ZNF853: variants seen among roughly 807,000 people sequenced by gnomAD.
The protein encoded by ZNF853 is zinc finger protein 853.
A neutral mutation model predicts 94.7 loss-of-function variants in ZNF853; 57 were observed. That is an observed-to-expected ratio of 0.60 (90% CI 0.49 to 0.75). The LOEUF is 0.75. Ranked by LOEUF, ZNF853 falls within the 30% of genes least tolerant of loss-of-function variation. The probability of loss-of-function intolerance (pLI) is 0.00; values close to 1 mark genes in which losing one functional copy is unlikely to be tolerated. For synonymous variants in ZNF853, 448 were observed against 406.3 expected, an observed-to-expected ratio of 1.10 and a Z score of -1.23; for missense variants, 785 against 868.9, an observed-to-expected ratio of 0.90 and a Z score of 1.21.
Position 6,623,053 on chromosome 7 carries a change from G to T in ZNF853, c.*82G>T. ...AAAGCTCCTTGACCCGGGTTCATGG[G>T]CGCTGGAGGCGTCCTGGAATATCCC... On this transcript the variant is annotated 3_prime_UTR_variant, in exon 3 of 3. Transcript: ENST00000457543. 8.6e-7 allele frequency: 1 copy of T among 1,157,450 alleles called. No individual in the cohort carries two copies. Among genetic ancestry groups the T allele is most frequent in the Non-Finnish European group, 1.1e-6 (1 of 919,532 alleles). The allele number at this position is 1,157,450 out of a possible 1,614,324, so 71.7% of individuals were successfully genotyped here. A position where few individuals can be genotyped will look rare whatever the true frequency, so the allele number is the denominator to read the frequency against.
rs925940396 is a variant in ZNF853 at position 6,621,481 on chromosome 7, G to A, written c.490G>A (p.Val164Met). 1 of 1,551,804 alleles carries A rather than the reference G, an allele frequency of 6.4e-7. No individual in the cohort carries two copies. The highest frequency in any genetic ancestry group is 8.7e-7 in the Non-Finnish European group (1 of 1,147,012). Residue 164 changes from valine (V) to methionine (M), a missense_variant, in exon 3 of 3, where the codon GTG (valine) becomes ATG (methionine). Val to Met is a conservative substitution (Grantham distance 21, BLOSUM62 1). Transcript: ENST00000457543. Reference protein sequence around the residue: ...HQQQQLQPQQVQEQQRLQQQQ... With the variant: ...HQQQQLQPQQMQEQQRLQQQQ... ...GCAGCAACAGTTACAGCCACAGCAA[G>A]TGCAAGAGCAACAGCGGTTGCAGCA...
chr7:6,621,074 G>C, intron 2 of ZNF853, 48 bp from the exon 3 acceptor site: 1 of 1,459,030 alleles, frequency 6.9e-7, no homozygotes. Flanking sequence ...GCACCAGAGA[G>C]CTTCCTGTAG....
In ZNF853 at chr7:6,622,162, G is replaced by C. The variant is rs929815684; in HGVS notation, c.1171G>C (p.Val391Leu). 29 of 1,542,168 alleles carry C rather than the reference G, an allele frequency of 1.9e-5. No homozygotes were observed. In the Admixed American group the frequency reaches 5.7e-4, roughly 30 times the overall value. The change falls in exon 3 of 3, where the codon GTG becomes CTG. Residue 391 changes from valine to leucine, a missense_variant. Coordinates refer to ENST00000457543, the MANE Select transcript of ZNF853 (RefSeq NM_017560.3). ...QQEVQLELTPVELGAQQQEVQ... is the reference protein window; with the variant it reads ...QQEVQLELTPLELGAQQQEVQ... The stretch of plus-strand genomic sequence containing the variant: ...GGAGGTGCAGCTGGAGCTGACCCCG[G>C]TGGAGCTAGGCGCCCAGCAGCAGGA...
In ZNF853 at chr7:6,622,532, G is replaced by A. The variant is rs1275209301; in HGVS notation, c.1541G>A (p.Arg514His). 3 of 1,547,772 alleles carry A rather than the reference G, an allele frequency of 1.9e-6. No individual in the cohort carries two copies. Among genetic ancestry groups the A allele is most frequent in the South Asian group, 2.4e-5 (2 of 84,050 alleles). ...ACGCACACGGGTGAGCGGCCACACC[G>A]CTGCGGCGAGTGCGGCAAGGGCTTC... ...QATHTGERPH[R>H]CGECGKGFSQ... Residue 514 changes from arginine (R) to histidine (H), a missense_variant, in exon 3 of 3, where the codon CGC becomes CAC. Coordinates refer to ENST00000457543, the MANE Select transcript of ZNF853 (RefSeq NM_017560.3).
rs375554266 is a variant in ZNF853 at position 6,621,986 on chromosome 7, A to AGCAGGAGCTGGAGCAGCAGCG, written c.1003_1023dup (p.Gln337_Glu343dup). ...CTCATGCCGGTGGACCTGGGGTCAG[A>AGCAGGAGCTGGAGCAGCAGCG]GCAGGAGCTGGAGCAGCAGCGGCAG... On this transcript the variant is annotated inframe_insertion, in exon 3 of 3. Transcript: ENST00000457543. The AGCAGGAGCTGGAGCAGCAGCG allele has an allele frequency of 1.6e-5, 25 of 1,550,560 alleles. No individual in the cohort carries two copies. Among genetic ancestry groups the AGCAGGAGCTGGAGCAGCAGCG allele is most frequent in the Non-Finnish European group, 2.2e-5 (25 of 1,146,982 alleles).
chr7:6,622,970 G>T lies in ZNF853; in HGVS notation c.1979G>T (p.Ter660LeuextTer3), dbSNP rs919328852. 90 of 1,248,500 alleles carry T rather than the reference G, an allele frequency of 7.2e-5. No homozygotes were observed. The highest frequency in any genetic ancestry group is 8.8e-5 in the Non-Finnish European group (88 of 998,186). The allele number at this position is 1,248,500 out of a possible 1,614,324, so 77.3% of individuals were successfully genotyped here. The change falls in exon 3 of 3, where the codon TGA (stop) becomes TTA (leucine). Residue 660 changes from the stop codon to leucine (L), a stop_lost. Coordinates refer to ENST00000457543, the MANE Select transcript of ZNF853 (RefSeq NM_017560.3). ...ACTGCGCCCGCAGACAAGGCGCTGT[G>T]AGGGCCGTGATCGGGGCTGCCTGGC... ...TATAPADKAL[*>L]
Position 6,616,196 on chromosome 7 carries a change from A to C in ZNF853, c.12+10A>C. ...GGAAATGCTCCACCAGGTGAGGCCC[A>C]GGGGGTCGTTGGCGCTGGGCAACCG... is the stretch of plus-strand genomic sequence containing the variant. On this transcript the variant is annotated intron_variant, in intron 1 of 2. Transcript: ENST00000457543. 2.6e-6 allele frequency: 4 copies of C among 1,547,734 alleles called. No homozygotes were observed. The East Asian group carries it at 9.8e-5, about 38-fold the overall frequency.
At chr7:6,617,409 A>C in intron 2 of ZNF853, 102 bp downstream of exon 2, 1 of 1,012,106 alleles carries the variant, frequency 9.9e-7, no homozygotes, top group East Asian at 3.1e-5. Flanking sequence ...CACACCAGCC[A>C]ACCTCAGCTG....
rs1408719108 is a variant in ZNF853, at chr7:6,622,893, G to A, written c.1902G>A (p.Ser634=). ...RSRGLGLLRA[S]RPAALGGPAR... ...GGGGCCTCGGCCTGCTGCGCGCCTC[G>A]CGGCCGGCGGCCCTCGGTGGCCCAG... The change falls in exon 3 of 3, where the codon TCG becomes TCA. Residue 634 remains serine (S), a synonymous_variant. Coordinates refer to ENST00000457543, the MANE Select transcript of ZNF853 (RefSeq NM_017560.3). 8.0e-7 allele frequency: 1 copy of A among 1,255,360 alleles called. No homozygotes were observed. The highest frequency in any genetic ancestry group is 1.6e-5 in the African/African-American group (1 of 63,230). 77.8% of individuals were successfully genotyped at this position (1,255,360 alleles called of 1,614,324 possible). A position where few individuals can be genotyped will look rare whatever the true frequency, so the allele number is the denominator to read the frequency against.
In ZNF853 at chr7:6,621,251, G is replaced by T. The variant is rs1042100088; in HGVS notation, c.260G>T (p.Arg87Leu). ...EIAEETRPGQ[R>L]ELQLQQLEQQ... ...GCTGAGGAAACCCGGCCGGGACAAC[G>T]AGAGTTGCAACTGCAGCAGTTAGAA... Residue 87 changes from arginine (R) to leucine (L), a missense_variant, in exon 3 of 3, where the codon CGA becomes CTA. By Grantham distance (102) the Arg-to-Leu change is moderately radical. Transcript: ENST00000457543. 2 of 1,549,344 alleles carry T rather than the reference G, an allele frequency of 1.3e-6. No homozygotes were observed. Among genetic ancestry groups the T allele is most frequent in the Non-Finnish European group, 1.7e-6 (2 of 1,145,498 alleles).
rs781299728 is a variant in ZNF853 at position 6,621,981 on chromosome 7, G to A, written c.990G>A (p.Gly330=). ...TGGAGCTCATGCCGGTGGACCTGGGGTCAGAGCAGGAGCTGGAGCAGCAGC... is the reference window on the plus strand; with the variant it reads ...TGGAGCTCATGCCGGTGGACCTGGGATCAGAGCAGGAGCTGGAGCAGCAGC... ...VELELMPVDL[G]SEQELEQQRQ... Residue 330 remains glycine, a synonymous_variant, in exon 3 of 3, where the codon GGG becomes GGA. Transcript: ENST00000457543. 6.4e-7 allele frequency: 1 copy of A among 1,550,654 alleles called. No homozygotes were observed. Among genetic ancestry groups the A allele is most frequent in the African/African-American group, 1.4e-5 (1 of 73,030 alleles).
intron 1 of ZNF853, among the ~76,000 whole-genome samples, chr7:6,616,899 G>T: frequency 3.9e-5 from 6 of 152,094 alleles, no homozygotes; most frequent in African/African-American, 1.4e-4. Flanking sequence ...TTGTGTCTCT[G>T]TGGGGCTACC....
chr7:6,620,342 A>G, intron 2 of ZNF853, among the ~76,000 whole-genome samples: 1 of 152,172 alleles, frequency 6.6e-6, no homozygotes, highest in Non-Finnish European at 1.5e-5. Context: ...GGAGTTCAGC[A>G]TGGGGTTGAT....
In ZNF853 at chr7:6,622,912, G is replaced by C. The variant is rs866511632; in HGVS notation, c.1921G>C (p.Gly641Arg). Residue 641 changes from glycine to arginine, a missense_variant, in exon 3 of 3, where the codon GGC (glycine) becomes CGC (arginine). Coordinates refer to ENST00000457543, the MANE Select transcript of ZNF853 (RefSeq NM_017560.3). ...LRASRPAALG[G>R]PARAEQAATA... ...CGCCTCGCGGCCGGCGGCCCTCGGT[G>C]GCCCAGCCCGCGCGGAGCAGGCCGC... 5 of 1,248,264 alleles carry C rather than the reference G, an allele frequency of 4.0e-6. No individual in the cohort carries two copies. Among genetic ancestry groups the C allele is most frequent in the Non-Finnish European group, 3.0e-6 (3 of 998,154 alleles). 77.3% of individuals were successfully genotyped at this position (1,248,264 alleles called of 1,614,324 possible). A position where few individuals can be genotyped will look rare whatever the true frequency, so the allele number is the denominator to read the frequency against.
In ZNF853 at chr7:6,621,595, C is replaced by CAGGTGTTAG. The variant is rs1198741475; in HGVS notation, c.606_607insGTGTTAGAG (p.Gln202_Leu203insValLeuGlu). On this transcript the variant is annotated inframe_insertion, in exon 3 of 3. Coordinates refer to ENST00000457543, the MANE Select transcript of ZNF853 (RefSeq NM_017560.3). The stretch of plus-strand genomic sequence containing the variant: ...GCTACAGCAGCAAGTGCAAGAGCAA[C>CAGGTGTTAG]AGCTGTTACAGCAACAGCAGGAACA... The CAGGTGTTAG allele has an allele frequency of 3.2e-6, 5 of 1,551,314 alleles. No homozygotes were observed. In the African/African-American group the frequency reaches 4.1e-5, roughly 13 times the overall value.
In ZNF853 at chr7:6,623,516, A is replaced by C; in HGVS notation, c.*545A>C. Reference sequence around the variant, plus strand: ...CTTGAAAATACTTTCCAAGATGAAAATTCATCAGGGTGGGTATAATTCTGA... The same window carrying C: ...CTTGAAAATACTTTCCAAGATGAAACTTCATCAGGGTGGGTATAATTCTGA... On this transcript the variant is annotated 3_prime_UTR_variant, in exon 3 of 3. Coordinates refer to ENST00000457543, the MANE Select transcript of ZNF853 (RefSeq NM_017560.3). The C allele has an allele frequency of 2.5e-6, 1 of 396,102 alleles. No homozygotes were observed. Among genetic ancestry groups the C allele is most frequent in the Non-Finnish European group, 4.4e-6 (1 of 224,996 alleles). The allele number at this position is 396,102 out of a possible 1,614,324, so 24.5% of individuals were successfully genotyped here. A position where few individuals can be genotyped will look rare whatever the true frequency, so the allele number is the denominator to read the frequency against.
intron 1 of ZNF853, among the ~76,000 whole-genome samples, chr7:6,616,929 GAA>G: frequency 6.6e-6 from 1 of 152,120 alleles, no homozygotes; most frequent in Non-Finnish European, 1.5e-5. Flanking sequence ...ATCCCGCTGT[GAA>G]AAGTCAGGAG....
rs1303520569 is a variant in ZNF853 at position 6,621,175 on chromosome 7, A to G, written c.184A>G (p.Ser62Gly). The G allele has an allele frequency of 2.0e-5, 30 of 1,493,742 alleles. No individual in the cohort carries two copies. Among genetic ancestry groups the G allele is most frequent in the Non-Finnish European group, 2.6e-5 (29 of 1,120,444 alleles). 92.5% of individuals were successfully genotyped at this position (1,493,742 alleles called of 1,614,324 possible). Reference sequence around the variant, plus strand: ...GGAGGAAGAGCCTCAGGAGAGGAACAGCAGTCCACAGCGGCCAGCAGTCTC... The same window carrying G: ...GGAGGAAGAGCCTCAGGAGAGGAACGGCAGTCCACAGCGGCCAGCAGTCTC... ...QEEEEPQERN[S>G]SPQRPAVSAP... is the part of the protein sequence containing the mutation. The change falls in exon 3 of 3, where the codon AGC (serine) becomes GGC (glycine). Residue 62 changes from serine (S) to glycine (G), a missense_variant. Ser to Gly is a moderately conservative substitution (Grantham distance 56, BLOSUM62 0). Coordinates refer to ENST00000457543, the MANE Select transcript of ZNF853 (RefSeq NM_017560.3).
At chr7:6,616,331 C>G in intron 1 of ZNF853, 145 bp downstream of exon 1, 2 of 740,362 alleles carry the variant, frequency 2.7e-6, no homozygotes, top group Admixed American at 6.6e-5. Context: ...CGCCTGGGCA[C>G]AGGGCCAGGC....
Sources: gnomAD v4.1 joint callset for allele counts (sites outside exome capture counted in the v4.1 genomes callset) on GRCh38, gnomAD v4.1.1 for gene constraint, MANE v1.5 for transcripts, NCBI Gene and HGNC (gene_info 2026-07-23, HGNC 2026-07-21) for gene names.